PRKCA: variants seen among roughly 807,000 people sequenced by gnomAD.
The protein encoded by PRKCA is protein kinase C alpha type.
Under a neutral mutation model 87.0 loss-of-function variants are expected in PRKCA, and 27 were observed. That is an observed-to-expected ratio of 0.31 (90% CI 0.23 to 0.43). The LOEUF (loss-of-function observed/expected upper bound fraction) is 0.43. Among genes scored for constraint, PRKCA ranks in the 20% least tolerant of loss-of-function variants. The pLI, the probability that PRKCA is intolerant of heterozygous loss-of-function variation, is 1.00. For missense variants in PRKCA, 518 were observed against 852.3 expected, an observed-to-expected ratio of 0.61 and a Z score of 4.88; for synonymous variants, 329 against 311.1, an observed-to-expected ratio of 1.06 and a Z score of -0.61.
chr17:66,412,522 C>A (rs2143749404), intron 2 of PRKCA, among the ~76,000 whole-genome samples: 1 of 152,164 alleles, frequency 6.6e-6, no homozygotes. Flanking sequence ...GTCCTGAGCC[C>A]CAGGTTTGTG....
chr17:66,607,808 A>T (rs1315062425), intron 3 of PRKCA, among the ~76,000 whole-genome samples: 1 of 152,022 alleles, frequency 6.6e-6, no homozygotes. Context: ...ACCAGGTTTC[A>T]CCTCTGGATG....
chr17:66,726,395 C>G (rs1271535896), intron 8 of PRKCA, among the ~76,000 whole-genome samples: 1 of 152,224 alleles, frequency 6.6e-6, no homozygotes, highest in Non-Finnish European at 1.5e-5. Context: ...GTGAACAGAA[C>G]AGCAAGACCC....
At position 66,786,080 on chromosome 17, in the gene PRKCA, G is replaced by A. The variant is rs187605192; in HGVS notation, c.1606-787G>A. Among the ~76,000 whole-genome samples the A allele has an allele frequency of 2.2e-4, 33 of 152,216 alleles. 1 individual carries two copies. In the East Asian group the frequency reaches 4.0e-3, roughly 19 times the overall value. On this transcript the variant is annotated intron_variant, in intron 14 of 16. Transcript: ENST00000413366. ...CCTGCCCTTGTGATCCGCCCGCCTC[G>A]GCCTCCCAAAGTGCTGGGATTACAG...
intron 3 of PRKCA, among the ~76,000 whole-genome samples, chr17:66,526,908 A>G (rs16959515): frequency 0.25 from 38,699 of 152,120 alleles, 6,093 homozygotes; most frequent in African/African-American, 0.43. Context: ...TGCGTATAAC[A>G]TTGAAGACAC....
chr17:66,459,370 C>T (rs534587137), intron 2 of PRKCA, among the ~76,000 whole-genome samples: 2 of 152,134 alleles, frequency 1.3e-5, no homozygotes, highest in South Asian at 4.2e-4. Context: ...GACGGAACTA[C>T]GATAACAACA....
At chr17:66,687,021 C>A (rs1972647597) in intron 5 of PRKCA, 90 bp from the exon 6 acceptor site, 2 of 1,186,012 alleles carry the variant, frequency 1.7e-6, no homozygotes, top group Non-Finnish European at 2.4e-6. Context: ...ATTCTGACGT[C>A]TCTTTTATTC....
intron 13 of PRKCA, among the ~76,000 whole-genome samples, chr17:66,748,645 G>A (rs1019700163): frequency 2.6e-5 from 4 of 152,152 alleles, no homozygotes; most frequent in Admixed American, 6.6e-5. Flanking sequence ...TAATGATGCC[G>A]GGATGGGGTG....
At chr17:66,774,670 A>C (rs1975009035) in intron 14 of PRKCA, 2 of 986,502 alleles carry the variant, frequency 2.0e-6, no homozygotes, top group African/African-American at 1.7e-5. Context: ...CTAAGTTTTC[A>C]GTATCTTAAA....
chr17:66,402,107 T>A (rs1289535392), intron 2 of PRKCA, among the ~76,000 whole-genome samples: 1 of 152,112 alleles, frequency 6.6e-6, no homozygotes, highest in Non-Finnish European at 1.5e-5. Flanking sequence ...TCTCAGGGGC[T>A]GGGGAAAGTA....
At chr17:66,632,327 C>G (rs1175865834) in intron 3 of PRKCA, among the ~76,000 whole-genome samples, 2 of 152,106 alleles carry the variant, frequency 1.3e-5, no homozygotes, top group African/African-American at 4.8e-5. Flanking sequence ...ATTTATCAAT[C>G]TAGAAAAAAA....
intron 3 of PRKCA, among the ~76,000 whole-genome samples, chr17:66,575,360 C>T (rs1969204289): frequency 6.6e-6 from 1 of 151,816 alleles, no homozygotes; most frequent in African/African-American, 2.4e-5. Flanking sequence ...GGGCGGATCA[C>T]CTGAGGTCAA....
chr17:66,617,504 A>G (rs1205931730), intron 3 of PRKCA, among the ~76,000 whole-genome samples: 7 of 152,268 alleles, frequency 4.6e-5, no homozygotes, highest in Non-Finnish European at 7.4e-5. Context: ...ATGTGTCCCT[A>G]ATGGGCTTGT....
intron 5 of PRKCA, among the ~76,000 whole-genome samples, chr17:66,675,597 C>T (rs1972307290): frequency 6.6e-6 from 1 of 152,182 alleles, no homozygotes; most frequent in Admixed American, 6.5e-5. Context: ...GTCATCAAAA[C>T]TGCAGTGTTG....
At chr17:66,758,631 C>T (rs112986751) in intron 13 of PRKCA, among the ~76,000 whole-genome samples, 7 of 152,122 alleles carry the variant, frequency 4.6e-5, no homozygotes, top group African/African-American at 1.4e-4. Flanking sequence ...TGACTGTGGA[C>T]GACTCTTAAT....
intron 5 of PRKCA, among the ~76,000 whole-genome samples, chr17:66,670,208 A>T (rs1424342881): frequency 6.6e-6 from 1 of 152,222 alleles, no homozygotes; most frequent in Non-Finnish European, 1.5e-5. Flanking sequence ...GCTAAAGAGG[A>T]CGGCAAGATG....
At chr17:66,538,306 C>G (rs1967859150) in intron 3 of PRKCA, among the ~76,000 whole-genome samples, 1 of 152,176 alleles carries the variant, frequency 6.6e-6, no homozygotes, top group Non-Finnish European at 1.5e-5. Context: ...GACTAGCAAC[C>G]TGCCACCCAA....
intron 2 of PRKCA, among the ~76,000 whole-genome samples, chr17:66,353,272 A>G (rs1907859585): frequency 6.6e-6 from 1 of 152,056 alleles, no homozygotes; most frequent in Non-Finnish European, 1.5e-5. Context: ...ACTCATTTTG[A>G]TCCTAATCTT....
At chr17:66,742,449 T>C (rs949224233) in intron 12 of PRKCA, among the ~76,000 whole-genome samples, 173 bp from the exon 13 acceptor site, 3 of 152,188 alleles carry the variant, frequency 2.0e-5, no homozygotes, top group African/African-American at 7.2e-5. Flanking sequence ...AGGCACAATA[T>C]TAGTCTCTGA....
chr17:66,733,164 A>G (rs973418670), intron 9 of PRKCA, among the ~76,000 whole-genome samples: 5 of 152,034 alleles, frequency 3.3e-5, no homozygotes, highest in Non-Finnish European at 7.4e-5. Context: ...AAAAAAAAAA[A>G]AAAGATTTCC....
Sources: gnomAD v4.1 joint callset for allele counts (sites outside exome capture counted in the v4.1 genomes callset) on GRCh38, gnomAD v4.1.1 for gene constraint, MANE v1.5 for transcripts, NCBI Gene and HGNC (gene_info 2026-07-23, HGNC 2026-07-21) for gene names.